Variants in CASP10 observed in about 807,000 individuals in gnomAD.
CASP10 encodes the protein caspase-10.
In CASP10, 41 loss-of-function variants were observed where a neutral mutation model predicts 48.5. The observed-to-expected ratio is 0.85, with a 90% confidence interval of 0.66 to 1.10. CASP10 has a LOEUF of 1.10. Among genes scored for constraint, CASP10 ranks in the 50% least tolerant of loss-of-function variants. The pLI is 0.00. For synonymous variants in CASP10, 232 were observed against 238.4 expected, an observed-to-expected ratio of 0.97 and a Z score of 0.25; for missense variants, 614 against 614.5, an observed-to-expected ratio of 1.00 and a Z score of 0.01.
chr2:201,189,752 C>G (rs2126011647), intron 3 of CASP10, among the ~76,000 whole-genome samples: 1 of 152,246 alleles, frequency 6.6e-6, no homozygotes, highest in South Asian at 2.1e-4. Flanking sequence ...AATCCCAGCA[C>G]TTTGGGAGTC....
chr2:201,209,037 C>T, intron 8 of CASP10, 33 bp from the exon 9 acceptor site: 1 of 1,531,480 alleles, frequency 6.5e-7, no homozygotes, highest in Non-Finnish European at 8.9e-7. Flanking sequence ...CTCTCTCTCT[C>T]TCTCTTTTTT....
chr2:201,204,890 C>G (rs1430381549), intron 6 of CASP10, among the ~76,000 whole-genome samples: 1 of 152,176 alleles, frequency 6.6e-6, no homozygotes, highest in Non-Finnish European at 1.5e-5. Flanking sequence ...AAGCGTGGAT[C>G]CCTTTTGCTG....
chr2:201,208,140 C>A lies in CASP10; in HGVS notation c.879C>A (p.Ser293Arg), dbSNP rs369897442. The A allele has an allele frequency of 3.6e-5, 58 of 1,613,952 alleles. No homozygotes were observed. Among genetic ancestry groups the A allele is most frequent in the Admixed American group, 5.0e-5 (3 of 59,988 alleles). Reference sequence around the variant, plus strand: ...TCTGTGTCATTGTCAACAACCACAGCTTTACCTCCCTGAAGGACAGACAAG... The same window carrying A: ...TCTGTGTCATTGTCAACAACCACAGATTTACCTCCCTGAAGGACAGACAAG... ...RGLCVIVNNH[S>R]FTSLKDRQGT... is the part of the protein sequence containing the mutation. Residue 293 changes from serine (S) to arginine (R), a missense_variant, in exon 8 of 10, where the codon AGC (serine) becomes AGA (arginine). Coordinates refer to ENST00000286186, the MANE Select transcript of CASP10 (RefSeq NM_032977.4).
intron 9 of CASP10, among the ~76,000 whole-genome samples, chr2:201,211,912 C>G (rs1945407269): frequency 6.6e-6 from 1 of 152,090 alleles, no homozygotes. Flanking sequence ...AATAGCCATT[C>G]TAACTTGAGT....
intron 9 of CASP10, among the ~76,000 whole-genome samples, chr2:201,228,432 T>C (rs1417985507): frequency 6.6e-6 from 1 of 152,168 alleles, no homozygotes; most frequent in Non-Finnish European, 1.5e-5. Context: ...CACTCATGCC[T>C]TTCTGAAGGC....
chr2:201,205,802 G>T, intron 6 of CASP10, 80 bp from the exon 7 acceptor site: 1 of 886,316 alleles, frequency 1.1e-6, no homozygotes, highest in South Asian at 1.3e-5. Flanking sequence ...TAATTCTCCA[G>T]AATTAGATGC....
intron 6 of CASP10, 142 bp from the exon 7 acceptor site, chr2:201,205,740 T>A: frequency 1.4e-6 from 1 of 693,720 alleles, no homozygotes; most frequent in South Asian, 1.5e-5. Flanking sequence ...GTCTCTCCCA[T>A]CAGGAAGGGC....
intron 7 of CASP10, 45 bp downstream of exon 7, chr2:201,206,018 T>C (rs1459990254): frequency 7.6e-7 from 1 of 1,313,188 alleles, no homozygotes; most frequent in South Asian, 1.2e-5. Flanking sequence ...AAAAATTTTT[T>C]TTCCAAATTT....
At chr2:201,200,332 AT>A in intron 5 of CASP10, 1 of 951,362 alleles carries the variant, frequency 1.1e-6, no homozygotes. Context: ...GTGATCCAGC[AT>A]TTACTATGTT....
rs1225212044 is a variant in CASP10, at chr2:201,193,995, C to CT, written c.577+877dup. 2.6e-5 allele frequency among the ~76,000 whole-genome samples: 4 copies of CT among 152,168 alleles called. No homozygotes were observed. In the South Asian group the frequency reaches 8.3e-4, roughly 32 times the overall value. On this transcript the variant is annotated intron_variant, in intron 4 of 9. Coordinates refer to ENST00000286186, the MANE Select transcript of CASP10 (RefSeq NM_032977.4). Reference sequence around the variant, plus strand: ...GCATGTCTGGCATGGAGTAAGCCTTCTATACATGTGGCTATTATGGCTCTC... The same window carrying CT: ...GCATGTCTGGCATGGAGTAAGCCTTCTTATACATGTGGCTATTATGGCTCTC...
intron 3 of CASP10, 34 bp from the exon 4 acceptor site, chr2:201,192,950 G>A (rs1944661104): frequency 1.2e-5 from 19 of 1,607,126 alleles, no homozygotes; most frequent in East Asian, 2.2e-5. Context: ...TAATCAATAG[G>A]CAAGTAAATG....
intron 9 of CASP10, among the ~76,000 whole-genome samples, chr2:201,228,581 T>C (rs1024635836): frequency 6.6e-6 from 1 of 152,122 alleles, no homozygotes; most frequent in East Asian, 1.9e-4. Context: ...TGGAGAGGTG[T>C]TTTAGTTCCC....
chr2:201,226,707 A>T (rs1440918647), intron 9 of CASP10, among the ~76,000 whole-genome samples: 1 of 152,182 alleles, frequency 6.6e-6, no homozygotes, highest in Non-Finnish European at 1.5e-5. Flanking sequence ...AAAAATGAAA[A>T]GAAGCAACAC....
chr2:201,220,071 T>A lies in CASP10; in HGVS notation c.*2330T>A. The A allele has an allele frequency of 1.0e-6, 1 of 985,318 alleles. No homozygotes were observed. The highest frequency in any genetic ancestry group is 1.2e-6 in the Non-Finnish European group (1 of 829,804). 61.0% of individuals were successfully genotyped at this position (985,318 alleles called of 1,614,324 possible). ...GTCAAATTCATGTACAGTAAATTTG[T>A]TATAAGAATATTCACAAGAACACTG... On this transcript the variant is annotated 3_prime_UTR_variant, in exon 10 of 10. Coordinates refer to ENST00000286186, the MANE Select transcript of CASP10 (RefSeq NM_032977.4).
intron 3 of CASP10, among the ~76,000 whole-genome samples, chr2:201,189,495 C>A (rs1944532395): frequency 6.6e-6 from 1 of 151,906 alleles, no homozygotes; most frequent in African/African-American, 2.4e-5. Flanking sequence ...AAATTCTTGA[C>A]CTCAAGTGAT....
chr2:201,185,185 G>A (rs1418320635), intron 1 of CASP10, among the ~76,000 whole-genome samples: 1 of 152,038 alleles, frequency 6.6e-6, no homozygotes, highest in Non-Finnish European at 1.5e-5. Context: ...GTAGAGACCA[G>A]GTCTCGCCAT....
chr2:201,194,136 G>C (rs374441819), intron 4 of CASP10, among the ~76,000 whole-genome samples: 2 of 151,672 alleles, frequency 1.3e-5, no homozygotes, highest in African/African-American at 2.4e-5. Context: ...AAGTCTGTCT[G>C]ATAAAGGTAG....
chr2:201,212,733 A>G (rs146093314), intron 9 of CASP10: 30 of 152,326 alleles, frequency 2.0e-4, no homozygotes, highest in East Asian at 1.2e-3. Flanking sequence ...ATAAGTAGGT[A>G]TTTGAAAAAC....
rs750607862 is a variant in CASP10, at chr2:201,219,796, A to C, written c.*2055A>C. Reference sequence around the variant, plus strand: ...TGAATCCTTAAAGGTGAGCCCTCATAGGGAGATCCAAAGTCCTGTGGTTAA... The same window carrying C: ...TGAATCCTTAAAGGTGAGCCCTCATCGGGAGATCCAAAGTCCTGTGGTTAA... On this transcript the variant is annotated 3_prime_UTR_variant, in exon 10 of 10. Coordinates refer to ENST00000286186, the MANE Select transcript of CASP10 (RefSeq NM_032977.4). The C allele has an allele frequency of 8.1e-6, 8 of 981,686 alleles. No homozygotes were observed. Among genetic ancestry groups the C allele is most frequent in the Non-Finnish European group, 9.6e-6 (8 of 829,564 alleles). 60.8% of individuals were successfully genotyped at this position (981,686 alleles called of 1,614,324 possible). A position where few individuals can be genotyped will look rare whatever the true frequency, so the allele number is the denominator to read the frequency against.
Sources: gnomAD v4.1 joint callset for allele counts (sites outside exome capture counted in the v4.1 genomes callset) on GRCh38, gnomAD v4.1.1 for gene constraint, MANE v1.5 for transcripts, NCBI Gene and HGNC (gene_info 2026-07-23, HGNC 2026-07-21) for gene names.